The following CDO1 variants were observed in gnomAD, a reference collection of about 807,000 sequenced individuals.
CDO1 encodes the protein cysteine dioxygenase type 1.
A neutral mutation model predicts 24.5 loss-of-function variants in CDO1; 19 were observed. That is an observed-to-expected ratio of 0.77 (90% CI 0.54 to 1.14). The LOEUF is 1.14. Ranked by LOEUF, CDO1 falls within the 50% of genes most tolerant of loss-of-function variation. The pLI, the probability that CDO1 is intolerant of heterozygous loss-of-function variation, is 0.00. For synonymous variants in CDO1, 91 were observed against 87.0 expected, an observed-to-expected ratio of 1.05 and a Z score of -0.26; for missense variants, 244 against 244.8, an observed-to-expected ratio of 1.00 and a Z score of 0.02.
intron 1 of CDO1, among the ~76,000 whole-genome samples, chr5:115,815,950 TCTCGCAGACGCGCGGTGGC>T (rs1215474827): frequency 1.3e-5 from 2 of 152,150 alleles, no homozygotes; most frequent in Non-Finnish European, 2.9e-5. Context: ...GAACAGAAAA[TCTCGCAGACGCGCGGTGGC>T]CTCCCTTCCC....
Position 115,816,322 on chromosome 5 carries a change from C to T in CDO1, c.76G>A (p.Asp26Asn), listed in dbSNP as rs776077445. The change falls in exon 1 of 5, where the codon GAT (aspartate) becomes AAT (asparagine). Residue 26 changes from aspartate to asparagine, a missense_variant. Coordinates refer to ENST00000250535, the MANE Select transcript of CDO1 (RefSeq NM_001801.3). ...TGCACCTCCTCTACATTGACCTCAT[C>T]GCCGGCAAAGAGCTGGTGCAGGATG... ...IRILHQLFAG[D>N]EVNVEEVQAI... is the part of the protein sequence containing the mutation. The T allele has an allele frequency of 6.2e-7, 1 of 1,614,144 alleles. No homozygotes were observed. The highest frequency in any genetic ancestry group is 1.1e-5 in the South Asian group (1 of 91,084).
chr5:115,807,181 C>A (rs775565344), intron 3 of CDO1, among the ~76,000 whole-genome samples: 4 of 152,136 alleles, frequency 2.6e-5, no homozygotes, highest in Non-Finnish European at 5.9e-5. Flanking sequence ...CACCTAGCTG[C>A]GAGAATGCTG....
Position 115,805,223 on chromosome 5 carries a change from A to C in CDO1, c.*210T>G. On this transcript the variant is annotated 3_prime_UTR_variant, in exon 5 of 5. Coordinates refer to ENST00000250535, the MANE Select transcript of CDO1 (RefSeq NM_001801.3). Reference sequence around the variant, plus strand: ...AAAACTTGCCTTTAAAAATCACAAGACTTTCTTTTCCTCAGTGGGACTTTT... The same window carrying C: ...AAAACTTGCCTTTAAAAATCACAAGCCTTTCTTTTCCTCAGTGGGACTTTT... 1 of 494,264 alleles carries C rather than the reference A, an allele frequency of 2.0e-6. No individual in the cohort carries two copies. The highest frequency in any genetic ancestry group is 3.6e-6 in the Non-Finnish European group (1 of 279,164). 30.6% of individuals were successfully genotyped at this position (494,264 alleles called of 1,614,324 possible).
chr5:115,816,212 G>A lies in CDO1; in HGVS notation c.170+16C>T. On this transcript the variant is annotated intron_variant, in intron 1 of 4. Coordinates refer to ENST00000250535, the MANE Select transcript of CDO1 (RefSeq NM_001801.3). ...CGAGTGGGCGCCGCCTGGCATTGAAGCTGCAGCGCGCTCACCTGTACTGGT... is the reference window on the plus strand; with the variant it reads ...CGAGTGGGCGCCGCCTGGCATTGAAACTGCAGCGCGCTCACCTGTACTGGT... The A allele has an allele frequency of 6.2e-7, 1 of 1,606,784 alleles. No individual in the cohort carries two copies. The highest frequency in any genetic ancestry group is 8.5e-7 in the Non-Finnish European group (1 of 1,175,350).
At chr5:115,806,756 CAAAATAGGAAAAGAGAAA>C (rs1759966296) in intron 3 of CDO1, among the ~76,000 whole-genome samples, 1 of 152,130 alleles carries the variant, frequency 6.6e-6, no homozygotes, top group Non-Finnish European at 1.5e-5. Context: ...TATACAAAGA[CAAAATAGGAAAAGAGAAA>C]ACACTAACAA....
rs772482920 is a variant in CDO1 at position 115,807,492 on chromosome 5, G to A, written c.404-974C>T. Among the ~76,000 whole-genome samples the A allele has an allele frequency of 9.7e-4, 148 of 152,092 alleles. 1 individual carries two copies. The highest frequency in any genetic ancestry group is 5.6e-4 in the Non-Finnish European group (38 of 68,004). ...AAACAAAAAAGCAACCTGCAACAGAGACTACTCAGGGGAAGTGTTCAAAAA... is the reference window on the plus strand; with the variant it reads ...AAACAAAAAAGCAACCTGCAACAGAAACTACTCAGGGGAAGTGTTCAAAAA... On this transcript the variant is annotated intron_variant, in intron 3 of 4. Coordinates refer to ENST00000250535, the MANE Select transcript of CDO1 (RefSeq NM_001801.3).
chr5:115,811,611 C>G (rs1760192164), intron 2 of CDO1, among the ~76,000 whole-genome samples: 1 of 152,052 alleles, frequency 6.6e-6, no homozygotes. Context: ...AAACACAAAA[C>G]CAGCAACACT....
At chr5:115,816,125 C>G in intron 1 of CDO1, 103 bp downstream of exon 1, 2 of 1,246,904 alleles carry the variant, frequency 1.6e-6, no homozygotes, top group South Asian at 1.5e-5. Context: ...CAGCGCGGCC[C>G]GAGCTTCCCG....
At chr5:115,806,284 T>G (rs1759940301) in intron 4 of CDO1, 65 bp downstream of exon 4, 2 of 1,065,970 alleles carry the variant, frequency 1.9e-6, no homozygotes, top group Non-Finnish European at 2.7e-6. Flanking sequence ...TCTCATTCTT[T>G]GCATACATGC....
intron 3 of CDO1, 64 bp downstream of exon 3, chr5:115,811,097 C>T (rs891062861): frequency 6.9e-7 from 1 of 1,440,334 alleles, no homozygotes; most frequent in Non-Finnish European, 9.6e-7. Flanking sequence ...TGTAAGTAAC[C>T]AATATTTCAG....
In CDO1 at chr5:115,808,611, G is replaced by A. The variant is rs538728941; in HGVS notation, c.404-2093C>T. Among the ~76,000 whole-genome samples, 12 of 152,216 alleles carry A rather than the reference G, an allele frequency of 7.9e-5. No homozygotes were observed. In the East Asian group the frequency reaches 1.7e-3, roughly 22 times the overall value. Reference sequence around the variant, plus strand: ...AGAGAATGTAAGCCTTACATTGTAAGGAATCTCAGGATCACAGCTCACCCC... The same window carrying A: ...AGAGAATGTAAGCCTTACATTGTAAAGAATCTCAGGATCACAGCTCACCCC... On this transcript the variant is annotated intron_variant, in intron 3 of 4. Coordinates refer to ENST00000250535, the MANE Select transcript of CDO1 (RefSeq NM_001801.3).
chr5:115,806,427 A>C lies in CDO1; in HGVS notation c.495T>G (p.His165Gln). 11 of 1,612,714 alleles carry C rather than the reference A, an allele frequency of 6.8e-6. No individual in the cohort carries two copies. The highest frequency in any genetic ancestry group is 9.3e-6 in the Non-Finnish European group (11 of 1,179,434). ...TATGTCCTGTTCTTTGATCAAAGGC[A>C]TGGCATGTATCAAAAGGTGGACTGT... ...HLYSPPFDTC[H>Q]AFDQRTGHKN... is the part of the protein sequence containing the mutation. Residue 165 changes from histidine (H) to glutamine (Q), a missense_variant, in exon 4 of 5, where the codon CAT becomes CAG. By Grantham distance (24) the His-to-Gln change is conservative. Coordinates refer to ENST00000250535, the MANE Select transcript of CDO1 (RefSeq NM_001801.3).
At chr5:115,815,120 C>T (rs1032407350) in intron 1 of CDO1, among the ~76,000 whole-genome samples, 9 of 152,106 alleles carry the variant, frequency 5.9e-5, no homozygotes, top group Non-Finnish European at 1.2e-4. Context: ...ACGAAACATC[C>T]CACATGTTGA....
At position 115,805,237 on chromosome 5, in the gene CDO1, A is replaced by AG. The variant is rs1759886962; in HGVS notation, c.*195dup. ...AAAATCACAAGACTTTCTTTTCCTCAGTGGGACTTTTCTTCTGCAGTAGCT... is the reference window on the plus strand; with the variant it reads ...AAAATCACAAGACTTTCTTTTCCTCAGGTGGGACTTTTCTTCTGCAGTAGCT... On this transcript the variant is annotated 3_prime_UTR_variant, in exon 5 of 5. Transcript: ENST00000250535. 7.9e-6 allele frequency: 4 copies of AG among 509,412 alleles called. No homozygotes were observed. The highest frequency in any genetic ancestry group is 3.6e-5 in the South Asian group (1 of 28,084). 31.6% of individuals were successfully genotyped at this position (509,412 alleles called of 1,614,324 possible). A position where few individuals can be genotyped will look rare whatever the true frequency, so the allele number is the denominator to read the frequency against.
At position 115,815,904 on chromosome 5, in the gene CDO1, G is replaced by C. The variant is rs1404713130; in HGVS notation, c.170+324C>G. On this transcript the variant is annotated intron_variant, in intron 1 of 4. Transcript: ENST00000250535. ...CCCGAGGCCAGGGGCAGGAGGACTGGTGGTTTAGAAGCAGAGGGGTTTGCG... is the reference window on the plus strand; with the variant it reads ...CCCGAGGCCAGGGGCAGGAGGACTGCTGGTTTAGAAGCAGAGGGGTTTGCG... Among the ~76,000 whole-genome samples, 9 of 152,384 alleles carry C rather than the reference G, an allele frequency of 5.9e-5. No homozygotes were observed. The East Asian group carries it at 1.7e-3, about 29-fold the overall frequency.
rs1313662829 is a variant in CDO1, at chr5:115,810,241, C to T, written c.403+920G>A. ...TTCCTGCCACATAGGAAACTAACAT[C>T]CTTGTGTTATGTGAATGAGCGACAA... On this transcript the variant is annotated intron_variant, in intron 3 of 4. Transcript: ENST00000250535. Among the ~76,000 whole-genome samples, 5 of 152,108 alleles carry T rather than the reference C, an allele frequency of 3.3e-5. No individual in the cohort carries two copies. The East Asian group carries it at 7.7e-4, about 23-fold the overall frequency.
chr5:115,811,263 T>C lies in CDO1; in HGVS notation c.301A>G (p.Asn101Asp), dbSNP rs1760177174. Reference sequence around the variant, plus strand: ...CAGGCAAATAATGTCTCCTTTAGATTTCCCTGTAGCATCTTCAGAAAGCAG... The same window carrying C: ...CAGGCAAATAATGTCTCCTTTAGATCTCCCTGTAGCATCTTCAGAAAGCAG... ...SHCFLKMLQG[N>D]LKETLFAWPD... The change falls in exon 3 of 5, where the codon AAT becomes GAT. Residue 101 changes from asparagine (N) to aspartate (D), a missense_variant. Asn to Asp is a conservative substitution (Grantham distance 23). Coordinates refer to ENST00000250535, the MANE Select transcript of CDO1 (RefSeq NM_001801.3). 1.2e-6 allele frequency: 2 copies of C among 1,613,200 alleles called. No homozygotes were observed. The highest frequency in any genetic ancestry group is 1.7e-6 in the Non-Finnish European group (2 of 1,179,370).
intron 1 of CDO1, 67 bp downstream of exon 1, chr5:115,816,161 C>T: frequency 1.3e-6 from 2 of 1,520,326 alleles, no homozygotes; most frequent in Admixed American, 3.5e-5. Flanking sequence ...GCTGCGTCCC[C>T]CACGTCCATT....
At chr5:115,810,279 T>C (rs1760129235) in intron 3 of CDO1, among the ~76,000 whole-genome samples, 2 of 152,182 alleles carry the variant, frequency 1.3e-5, no homozygotes. Context: ...TCCCATACAA[T>C]TTGATCTTTG....
Sources: gnomAD v4.1 joint callset for allele counts (sites outside exome capture counted in the v4.1 genomes callset) on GRCh38, gnomAD v4.1.1 for gene constraint, MANE v1.5 for transcripts, NCBI Gene and HGNC (gene_info 2026-07-23, HGNC 2026-07-21) for gene names.